The following TNR variants were observed in gnomAD, a reference collection of about 807,000 sequenced individuals.
The protein encoded by TNR is tenascin R.
Under a neutral mutation model 150.4 loss-of-function variants are expected in TNR, and 45 were observed. That is an observed-to-expected ratio of 0.30 (90% confidence interval 0.24 to 0.38). TNR has a LOEUF of 0.38. Ranked by LOEUF, TNR falls within the 10% of genes least tolerant of loss-of-function variation. The pLI, the probability that TNR is intolerant of heterozygous loss-of-function variation, is 1.00. For synonymous variants in TNR, 687 were observed against 678.4 expected, an observed-to-expected ratio of 1.01 and a Z score of -0.20; for missense variants, 1,544 against 1,759.1, an observed-to-expected ratio of 0.88 and a Z score of 2.19.
At chr1:175,620,060 G>A (rs749898294) in intron 1 of TNR, among the ~76,000 whole-genome samples, 1 of 152,196 alleles carries the variant, frequency 6.6e-6, no homozygotes, top group African/African-American at 2.4e-5. Flanking sequence ...GTTATAATGC[G>A]TAATTTCACA....
At chr1:175,501,096 G>A (rs1242592065) in intron 2 of TNR, among the ~76,000 whole-genome samples, 2 of 152,132 alleles carry the variant, frequency 1.3e-5, no homozygotes, top group African/African-American at 4.8e-5. Flanking sequence ...GCAATGGGGA[G>A]TTTGCAGATG....
chr1:175,680,378 A>G (rs1025420207), intron 1 of TNR, among the ~76,000 whole-genome samples: 1 of 152,128 alleles, frequency 6.6e-6, no homozygotes, highest in African/African-American at 2.4e-5. Context: ...TGGGGCCACT[A>G]AAGGAACAAG....
chr1:175,515,554 G>A (rs1406604604), intron 2 of TNR, among the ~76,000 whole-genome samples: 1 of 152,212 alleles, frequency 6.6e-6, no homozygotes, highest in Non-Finnish European at 1.5e-5. Flanking sequence ...TTCTGGACTT[G>A]GGTGTGGCCA....
At chr1:175,730,278 C>A (rs1199495388) in intron 1 of TNR, among the ~76,000 whole-genome samples, 1 of 152,218 alleles carries the variant, frequency 6.6e-6, no homozygotes, top group African/African-American at 2.4e-5. Flanking sequence ...CACACTTAAC[C>A]TGCAACCCAC....
intron 2 of TNR, among the ~76,000 whole-genome samples, chr1:175,421,049 G>C (rs904191360): frequency 6.6e-6 from 1 of 151,980 alleles, no homozygotes; most frequent in African/African-American, 2.4e-5. Flanking sequence ...GACACTTATA[G>C]TTGCCTTAGT....
chr1:175,565,493 AG>A (rs1265664034), intron 1 of TNR, among the ~76,000 whole-genome samples: 1 of 152,254 alleles, frequency 6.6e-6, no homozygotes, highest in Non-Finnish European at 1.5e-5. Context: ...ATTCCACGTA[AG>A]GAAGTTATTT....
chr1:175,518,663 T>A (rs1166512164), intron 2 of TNR, among the ~76,000 whole-genome samples: 2 of 152,174 alleles, frequency 1.3e-5, no homozygotes, highest in Non-Finnish European at 2.9e-5. Flanking sequence ...GATCATCTTT[T>A]TCCCCCCATT....
chr1:175,576,781 A>G (rs574328364), intron 1 of TNR, among the ~76,000 whole-genome samples: 42 of 152,218 alleles, frequency 2.8e-4, no homozygotes, highest in African/African-American at 9.9e-4. Context: ...ATTTTTTTAG[A>G]TGCCACCTCT....
intron 1 of TNR, among the ~76,000 whole-genome samples, chr1:175,666,625 C>T (rs906792661): frequency 7.2e-5 from 11 of 152,250 alleles, no homozygotes; most frequent in African/African-American, 2.4e-4. Flanking sequence ...GCAGGACGAA[C>T]GTCGGACTGG....
At chr1:175,586,462 G>A (rs529780307) in intron 1 of TNR, among the ~76,000 whole-genome samples, 33 of 152,138 alleles carry the variant, frequency 2.2e-4, no homozygotes, top group Admixed American at 1.6e-3. Context: ...CACCATGGCC[G>A]GCTAATTTTT....
chr1:175,337,337 C>T (rs897427625), intron 19 of TNR, among the ~76,000 whole-genome samples, 191 bp downstream of exon 19: 1 of 152,180 alleles, frequency 6.6e-6, no homozygotes, highest in African/African-American at 2.4e-5. Flanking sequence ...TATTCCTTTC[C>T]CTGCCTGGCC....
At chr1:175,497,747 T>C (rs985583668) in intron 2 of TNR, among the ~76,000 whole-genome samples, 2 of 152,162 alleles carry the variant, frequency 1.3e-5, no homozygotes, top group African/African-American at 4.8e-5. Flanking sequence ...TGTTAGGTAA[T>C]AATCACCAGT....
intron 1 of TNR, among the ~76,000 whole-genome samples, chr1:175,533,613 T>C (rs1660155944): frequency 6.6e-6 from 1 of 152,264 alleles, no homozygotes; most frequent in African/African-American, 2.4e-5. Context: ...GTTAATTAAG[T>C]GGAGGTGCTG....
chr1:175,545,863 G>A (rs751054987), intron 1 of TNR, among the ~76,000 whole-genome samples: 1 of 152,196 alleles, frequency 6.6e-6, no homozygotes, highest in African/African-American at 2.4e-5. Context: ...GAAAGATTTT[G>A]AGCTATAAGC....
At chr1:175,554,678 G>A (rs931555622) in intron 1 of TNR, among the ~76,000 whole-genome samples, 6 of 147,032 alleles carry the variant, frequency 4.1e-5, no homozygotes, top group Non-Finnish European at 8.8e-5. Context: ...GCTAAGGACA[G>A]GCTCCCAGCT....
chr1:175,483,179 C>G (rs1169867825), intron 2 of TNR, among the ~76,000 whole-genome samples: 1 of 152,132 alleles, frequency 6.6e-6, no homozygotes, highest in Non-Finnish European at 1.5e-5. Context: ...CTGTAGCCTA[C>G]CGGGAAAGAC....
rs371221179 is a variant in TNR at position 175,520,373 on chromosome 1, T to C, written c.-64+7896A>G. 1.4e-4 allele frequency among the ~76,000 whole-genome samples: 21 copies of C among 152,320 alleles called. No individual in the cohort carries two copies. In the East Asian group the frequency reaches 3.5e-3, roughly 25 times the overall value. Reference sequence around the variant, plus strand: ...CACTCCCTTGGCCCATGGCCACCGTTGTTCTGCACTGGGGCTGATTTCCAG... The same window carrying C: ...CACTCCCTTGGCCCATGGCCACCGTCGTTCTGCACTGGGGCTGATTTCCAG... On this transcript the variant is annotated intron_variant, in intron 2 of 22. Coordinates refer to ENST00000367674, the MANE Select transcript of TNR (RefSeq NM_003285.3).
chr1:175,673,801 A>G (rs1162703214), intron 1 of TNR, among the ~76,000 whole-genome samples: 1 of 152,252 alleles, frequency 6.6e-6, no homozygotes, highest in African/African-American at 2.4e-5. Flanking sequence ...TGGCATGCCA[A>G]TCATAATAAA....
At chr1:175,641,274 G>T (rs759417213) in intron 1 of TNR, among the ~76,000 whole-genome samples, 12 of 152,134 alleles carry the variant, frequency 7.9e-5, no homozygotes, top group Non-Finnish European at 1.6e-4. Context: ...CCAGCCAATG[G>T]TGGGACGGAG....
Sources: gnomAD v4.1 joint callset for allele counts (sites outside exome capture counted in the v4.1 genomes callset) on GRCh38, gnomAD v4.1.1 for gene constraint, MANE v1.5 for transcripts, NCBI Gene and HGNC (gene_info 2026-07-23, HGNC 2026-07-21) for gene names.